Variants in CFDP1 observed in about 807,000 individuals in gnomAD.
CFDP1 encodes heterochromatin-stabilizing protein CFDP1.
A neutral mutation model predicts 40.1 loss-of-function variants in CFDP1; 31 were observed. That is an observed-to-expected ratio of 0.77 (90% CI 0.58 to 1.04). The LOEUF (loss-of-function observed/expected upper bound fraction) is 1.04. CFDP1 is among the 50% of genes least tolerant of loss of function. The pLI is 0.00. For synonymous variants in CFDP1, 167 were observed against 120.0 expected (o/e 1.39, Z -2.56); for missense variants, 423 against 343.4 (o/e 1.23, Z -1.83).
chr16:75,378,238 C>G (rs983919930), intron 5 of CFDP1, among the ~76,000 whole-genome samples: 10 of 150,794 alleles, frequency 6.6e-5, no homozygotes, highest in Non-Finnish European at 8.8e-5. Flanking sequence ...AAGGAAATAG[C>G]AGGAATTGCA....
At chr16:75,414,801 A>G (rs967314990) in intron 1 of CFDP1, 106 bp from the exon 2 acceptor site, 2 of 769,320 alleles carry the variant, frequency 2.6e-6, no homozygotes, top group Non-Finnish European at 4.3e-6. Flanking sequence ...TCATTAAGAA[A>G]AAGTGAATTT....
chr16:75,325,097 A>C (rs939046834), intron 5 of CFDP1: 1 of 152,182 alleles, frequency 6.6e-6, no homozygotes, highest in African/African-American at 2.4e-5. Context: ...CCCAAGGCTT[A>C]AATACTATTT....
At chr16:75,420,324 T>C (rs2079263775) in intron 1 of CFDP1, among the ~76,000 whole-genome samples, 1 of 152,176 alleles carries the variant, frequency 6.6e-6, no homozygotes, top group African/African-American at 2.4e-5. Flanking sequence ...AAACATCAGA[T>C]GTCCATTGAT....
chr16:75,302,757 G>C (rs1567639115), intron 6 of CFDP1, among the ~76,000 whole-genome samples: 1 of 152,214 alleles, frequency 6.6e-6, no homozygotes, highest in Non-Finnish European at 1.5e-5. Flanking sequence ...GCATGTCAGA[G>C]CTACCACTCG....
chr16:75,424,393 A>G (rs1261171781), intron 1 of CFDP1, among the ~76,000 whole-genome samples: 1 of 152,192 alleles, frequency 6.6e-6, no homozygotes, highest in Non-Finnish European at 1.5e-5. Context: ...CACACACGGC[A>G]TCTGTGAAAA....
Position 75,386,941 on chromosome 16 carries a change from T to G in CFDP1, c.650+8149A>C, listed in dbSNP as rs376258894. Among the ~76,000 whole-genome samples, 9 of 152,328 alleles carry G rather than the reference T, an allele frequency of 5.9e-5. No individual in the cohort carries two copies. In the East Asian group the frequency reaches 1.3e-3, roughly 23 times the overall value. ...GAAATTGCCTTTAATAGATTGAAAA[T>G]ACTCCAAATATTCAAGGGAAAATCT... On this transcript the variant is annotated intron_variant, in intron 5 of 6. Coordinates refer to ENST00000283882, the MANE Select transcript of CFDP1 (RefSeq NM_006324.3).
At chr16:75,381,952 A>G (rs2078855921) in intron 5 of CFDP1, among the ~76,000 whole-genome samples, 1 of 152,094 alleles carries the variant, frequency 6.6e-6, no homozygotes, top group Admixed American at 6.6e-5. Flanking sequence ...GTAGCAGTCG[A>G]AAGCTCAGAG....
intron 4 of CFDP1, among the ~76,000 whole-genome samples, chr16:75,397,032 G>T (rs1431009727): frequency 6.6e-6 from 1 of 151,966 alleles, no homozygotes; most frequent in East Asian, 2.0e-4. Flanking sequence ...TCCTGCCTCA[G>T]CCTCCCAAGC....
In CFDP1 at chr16:75,383,861, C is replaced by T. The variant is rs143192548; in HGVS notation, c.650+11229G>A. 2.5e-3 allele frequency among the ~76,000 whole-genome samples: 369 copies of T among 148,526 alleles called. 2 individuals are homozygous for T. Among genetic ancestry groups the T allele is most frequent in the African/African-American group, 8.1e-3 (329 of 40,588 alleles). ...AAGATACAGCCCCAAATTTGGCTCACAATTTATCTCAGTGTTTATAAAATC... is the reference window on the plus strand; with the variant it reads ...AAGATACAGCCCCAAATTTGGCTCATAATTTATCTCAGTGTTTATAAAATC... On this transcript the variant is annotated intron_variant, in intron 5 of 6. Coordinates refer to ENST00000283882, the MANE Select transcript of CFDP1 (RefSeq NM_006324.3).
intron 1 of CFDP1, among the ~76,000 whole-genome samples, chr16:75,423,092 A>T (rs1388308208): frequency 6.6e-6 from 1 of 151,854 alleles, no homozygotes; most frequent in Non-Finnish European, 1.5e-5. Context: ...CATCCTGGCT[A>T]ACACGGTGAA....
At chr16:75,361,318 A>G (rs2078677866) in intron 5 of CFDP1, among the ~76,000 whole-genome samples, 2 of 152,126 alleles carry the variant, frequency 1.3e-5, no homozygotes, top group Non-Finnish European at 2.9e-5. Context: ...GGCAAGTCAG[A>G]TATTGTTTAA....
Position 75,387,241 on chromosome 16 carries a change from C to T in CFDP1, c.650+7849G>A, listed in dbSNP as rs998378139. 8.6e-5 allele frequency among the ~76,000 whole-genome samples: 13 copies of T among 151,980 alleles called. No homozygotes were observed. In the East Asian group the frequency reaches 9.7e-4, roughly 11 times the overall value. On this transcript the variant is annotated intron_variant, in intron 5 of 6. Coordinates refer to ENST00000283882, the MANE Select transcript of CFDP1 (RefSeq NM_006324.3). ...CTGCAAGCTCCGCCTCCCGGGCTCA[C>T]GCCATTCTCGTGCCTCAGCCTCCGC...
intron 4 of CFDP1, among the ~76,000 whole-genome samples, chr16:75,399,971 C>T (rs1241323232): frequency 9.5e-6 from 1 of 104,806 alleles, no homozygotes; most frequent in Non-Finnish European, 2.3e-5. Flanking sequence ...GGTGGTGGCA[C>T]ATGCCTGTAA....
intron 5 of CFDP1, among the ~76,000 whole-genome samples, chr16:75,347,422 G>GT (rs2078577322): frequency 6.6e-6 from 1 of 151,286 alleles, no homozygotes; most frequent in Non-Finnish European, 1.5e-5. Flanking sequence ...GCTCACGCCT[G>GT]TAATCCCAGC....
chr16:75,349,967 G>A (rs1176474008), intron 5 of CFDP1, among the ~76,000 whole-genome samples: 1 of 151,792 alleles, frequency 6.6e-6, no homozygotes. Flanking sequence ...CCTATCTTAG[G>A]AGAAAAGCAT....
At chr16:75,392,684 C>T (rs936137284) in intron 5 of CFDP1, among the ~76,000 whole-genome samples, 2 of 152,052 alleles carry the variant, frequency 1.3e-5, no homozygotes, top group Non-Finnish European at 2.9e-5. Flanking sequence ...TTTGAGTAGG[C>T]ATGGGGTTTC....
At chr16:75,349,155 C>A (rs2078590274) in intron 5 of CFDP1, among the ~76,000 whole-genome samples, 1 of 152,122 alleles carries the variant, frequency 6.6e-6, no homozygotes, top group African/African-American at 2.4e-5. Context: ...CATCCATGAG[C>A]CACTGCACCA....
intron 1 of CFDP1, among the ~76,000 whole-genome samples, 159 bp downstream of exon 1, chr16:75,433,117 CGCCTCGGGCCGGA>C (rs1464895963): frequency 2.0e-5 from 3 of 152,206 alleles, no homozygotes; most frequent in Admixed American, 1.3e-4. Flanking sequence ...CACGCGCACA[CGCCTCGGGCCGGA>C]GCGGCCGAGG....
At chr16:75,368,154 C>G (rs1335767319) in intron 5 of CFDP1, among the ~76,000 whole-genome samples, 1 of 152,074 alleles carries the variant, frequency 6.6e-6, no homozygotes, top group South Asian at 2.1e-4. Flanking sequence ...TTGTTTACAT[C>G]CTGACTCAAG....
Sources: allele counts gnomAD v4.1 joint callset (sites outside exome capture counted in the v4.1 genomes callset), GRCh38; gene constraint gnomAD v4.1.1; transcripts MANE v1.5; gene names NCBI Gene and HGNC (gene_info 2026-07-23, HGNC 2026-07-21).